Variants in RYR3 observed in about 807,000 individuals in gnomAD.
RYR3 encodes the protein brain ryanodine receptor-calcium release channel.
In RYR3, 207 loss-of-function variants were observed where a neutral mutation model predicts 584.3. The ratio of observed to expected loss-of-function variants is 0.35; its 90% CI spans 0.32 to 0.40. The LOEUF is 0.40. Among genes scored for constraint, RYR3 ranks in the 10% least tolerant of loss-of-function variants. The pLI is 1.00. For missense variants in RYR3, 5,616 were observed against 6,089.2 expected, an observed-to-expected ratio of 0.92 and a Z score of 2.59; for synonymous variants, 2,416 against 2,248.5, an observed-to-expected ratio of 1.07 and a Z score of -2.11.
rs557261086 is a variant in RYR3, at chr15:33,514,221, G to C, written c.279+10483G>C. On this transcript the variant is annotated intron_variant, in intron 3 of 103. Coordinates refer to ENST00000634891, the MANE Select transcript of RYR3 (RefSeq NM_001036.6). Reference sequence around the variant, plus strand: ...GTTGCCCCTCCTTTTGTTTTTGTTCGAGAGAGAAACATGCATTGGCACCGG... The same window carrying C: ...GTTGCCCCTCCTTTTGTTTTTGTTCCAGAGAGAAACATGCATTGGCACCGG... Among the ~76,000 whole-genome samples, 52 of 152,190 alleles carry C rather than the reference G, an allele frequency of 3.4e-4. No homozygotes were observed. In the South Asian group the frequency reaches 4.6e-3, roughly 13 times the overall value.
chr15:33,812,207 A>G (rs1379965457), intron 72 of RYR3, among the ~76,000 whole-genome samples: 4 of 152,166 alleles, frequency 2.6e-5, no homozygotes, highest in Non-Finnish European at 4.4e-5. Context: ...CCACTTGGAG[A>G]GCCTCCACCT....
At chr15:33,826,844 T>C (rs1334018731) in intron 84 of RYR3, 92 bp downstream of exon 84, 6 of 868,544 alleles carry the variant, frequency 6.9e-6, no homozygotes, top group Non-Finnish European at 1.1e-5. Context: ...CAACTAGTTG[T>C]TAACTCAAGG....
chr15:33,394,256 C>G (rs754374163), intron 1 of RYR3, among the ~76,000 whole-genome samples: 1 of 152,180 alleles, frequency 6.6e-6, no homozygotes, highest in Non-Finnish European at 1.5e-5. Context: ...CTATGATGAG[C>G]TGAGACAGTA....
At chr15:33,365,836 A>G (rs1975417701) in intron 1 of RYR3, among the ~76,000 whole-genome samples, 1 of 152,180 alleles carries the variant, frequency 6.6e-6, no homozygotes. Context: ...AATTGCATTT[A>G]TTATATATAT....
Position 33,762,126 on chromosome 15 carries a change from A to T in RYR3, c.8705+4530A>T, listed in dbSNP as rs7175757. Among the ~76,000 whole-genome samples the T allele has an allele frequency of 1.4e-3, 206 of 152,326 alleles. 1 individual carries two copies. Among genetic ancestry groups the T allele is most frequent in the African/African-American group, 4.7e-3 (195 of 41,578 alleles). ...AAATATCTCAAAATAATAGCTATTT[A>T]TGACAAACCCACAGCCAATATCATA... On this transcript the variant is annotated intron_variant, in intron 60 of 103. Transcript: ENST00000634891.
At chr15:33,794,479 C>T (rs1735370287) in intron 67 of RYR3, among the ~76,000 whole-genome samples, 1 of 150,828 alleles carries the variant, frequency 6.6e-6, no homozygotes. Context: ...ATAACGTTAG[C>T]AGTGTAGAGA....
At position 33,864,200 on chromosome 15, in the gene RYR3, A is replaced by T. The variant is rs1194206001; in HGVS notation, c.14517+11A>T. On this transcript the variant is annotated intron_variant, in intron 103 of 103. Coordinates refer to ENST00000634891, the MANE Select transcript of RYR3 (RefSeq NM_001036.6). The stretch of plus-strand genomic sequence containing the variant: ...GAGCACACGGGTCAGGTGAGAAATT[A>T]AGAATCATATACCCGTGTTAGATCT... 2.5e-6 allele frequency: 4 copies of T among 1,603,456 alleles called. No homozygotes were observed. The South Asian group carries it at 4.5e-5, about 18-fold the overall frequency.
At chr15:33,347,529 C>T (rs1481339717) in intron 1 of RYR3, among the ~76,000 whole-genome samples, 3 of 151,486 alleles carry the variant, frequency 2.0e-5, no homozygotes, top group Non-Finnish European at 4.4e-5. Context: ...TCACTGCAAG[C>T]TCCGCCTCCC....
At position 33,801,974 on chromosome 15, in the gene RYR3, A is replaced by G. The variant is rs1425424261; in HGVS notation, c.10011+13A>G. The G allele has an allele frequency of 6.7e-6, 10 of 1,493,684 alleles. No homozygotes were observed. Among genetic ancestry groups the G allele is most frequent in the Non-Finnish European group, 9.3e-6 (10 of 1,072,254 alleles). The allele number at this position is 1,493,684 out of a possible 1,614,324, so 92.5% of individuals were successfully genotyped here. The stretch of plus-strand genomic sequence containing the variant: ...CAAGATGTCAAAAGTAAGTCCTTAG[A>G]AATCAATTCCAAAAACTCTTCAACC... On this transcript the variant is annotated intron_variant, in intron 69 of 103. Transcript: ENST00000634891.
At chr15:33,782,661 A>C (rs2074456045) in intron 65 of RYR3, among the ~76,000 whole-genome samples, 1 of 152,194 alleles carries the variant, frequency 6.6e-6, no homozygotes. Flanking sequence ...GGAATGTATA[A>C]GGTGACAGGT....
intron 1 of RYR3, among the ~76,000 whole-genome samples, chr15:33,421,187 G>C (rs962676433): frequency 2.0e-5 from 3 of 152,130 alleles, no homozygotes; most frequent in African/African-American, 7.2e-5. Flanking sequence ...GATTTCAAAG[G>C]GGTGCATAAG....
chr15:33,474,740 AC>A (rs934542606), intron 2 of RYR3, among the ~76,000 whole-genome samples: 2 of 152,134 alleles, frequency 1.3e-5, no homozygotes, highest in African/African-American at 2.4e-5. Flanking sequence ...TTTCCAAAAG[AC>A]CCACCTATTG....
At chr15:33,389,735 A>G (rs2041869605) in intron 1 of RYR3, among the ~76,000 whole-genome samples, 1 of 152,244 alleles carries the variant, frequency 6.6e-6, no homozygotes, top group Admixed American at 6.5e-5. Flanking sequence ...GAAAGGTAAC[A>G]TGCAAAACAG....
At chr15:33,460,962 T>TTTTTTA (rs1567286930) in intron 1 of RYR3, among the ~76,000 whole-genome samples, 1 of 141,244 alleles carries the variant, frequency 7.1e-6, no homozygotes, top group Admixed American at 7.2e-5. Flanking sequence ...TTTTTTTTTT[T>TTTTTTA]AAGACGGAGT....
At chr15:33,658,067 C>T (rs4779626) in intron 32 of RYR3, among the ~76,000 whole-genome samples, 50,351 of 152,106 alleles carry the variant, frequency 0.33, 9,812 homozygotes, top group Non-Finnish European at 0.45. Flanking sequence ...ACAAATTTAG[C>T]GGCTTAAAAT....
At chr15:33,326,994 T>C (rs571224462) in intron 1 of RYR3, among the ~76,000 whole-genome samples, 33 of 126,744 alleles carry the variant, frequency 2.6e-4, no homozygotes, top group African/African-American at 1.2e-3. Flanking sequence ...TGATAAGCCT[T>C]AGGGTGTAGT....
At chr15:33,646,087 C>G (rs934747926) in intron 28 of RYR3, among the ~76,000 whole-genome samples, 1 of 152,224 alleles carries the variant, frequency 6.6e-6, no homozygotes, top group African/African-American at 2.4e-5. Flanking sequence ...CCCCCTCTGG[C>G]ATTTATTCTC....
chr15:33,779,405 G>A (rs1357368422), intron 64 of RYR3, among the ~76,000 whole-genome samples: 2 of 152,064 alleles, frequency 1.3e-5, no homozygotes, highest in South Asian at 2.1e-4. Flanking sequence ...AGGAGTAACC[G>A]TTATCTGAGG....
At chr15:33,690,752 T>C (rs1053016071) in intron 38 of RYR3, among the ~76,000 whole-genome samples, 11 of 152,212 alleles carry the variant, frequency 7.2e-5, no homozygotes, top group African/African-American at 2.7e-4. Context: ...CTTTACACTA[T>C]TGAAAATTAC....
Sources: allele counts gnomAD v4.1 joint callset (sites outside exome capture counted in the v4.1 genomes callset), GRCh38; gene constraint gnomAD v4.1.1; transcripts MANE v1.5; gene names NCBI Gene and HGNC (gene_info 2026-07-23, HGNC 2026-07-21).